BRI3BP: variants seen among roughly 807,000 people sequenced by gnomAD.
BRI3BP encodes BRI3-binding protein.
In BRI3BP, 7 loss-of-function variants were observed where a neutral mutation model predicts 15.8. The ratio of observed to expected loss-of-function variants is 0.44; its 90% CI spans 0.25 to 0.83. BRI3BP has a LOEUF of 0.83. Among genes scored for constraint, BRI3BP ranks in the 40% least tolerant of loss-of-function variants. BRI3BP has a pLI of 0.20. For missense variants in BRI3BP, 320 were observed against 339.3 expected (o/e 0.94, Z 0.45); for synonymous variants, 192 against 163.5 (o/e 1.17, Z -1.33).
At chr12:125,013,619 C>G (rs953935173) in intron 2 of BRI3BP, among the ~76,000 whole-genome samples, 9 of 152,202 alleles carry the variant, frequency 5.9e-5, no homozygotes, top group Middle Eastern at 3.2e-3. Flanking sequence ...TCTTAGCTCT[C>G]CAGCTTCTGC....
the BRI3BP span, among the ~76,000 whole-genome samples, chr12:125,049,110 C>T: frequency 1.3e-5 from 2 of 152,042 alleles, no homozygotes; most frequent in East Asian, 1.9e-4. Context: ...TACAGGTGCC[C>T]GCCACCACGC....
chr12:125,031,079 CTTA>C lies in BRI3BP; in HGVS notation c.*5652_*5654del, dbSNP rs1371427540. 3 of 152,066 alleles carry C rather than the reference CTTA, an allele frequency of 2.0e-5. No homozygotes were observed. The highest frequency in any genetic ancestry group is 4.4e-5 in the Non-Finnish European group (3 of 68,022). 9.4% of individuals were successfully genotyped at this position (152,066 alleles called of 1,614,324 possible). On this transcript the variant is annotated 3_prime_UTR_variant, in exon 3 of 3. Coordinates refer to ENST00000341446, the MANE Select transcript of BRI3BP (RefSeq NM_080626.6). ...TTTGCAAAGCGATATATACATTCCT[CTTA>C]TTTATTAAATCACTGGCTTTGGTGT...
intron 2 of BRI3BP, among the ~76,000 whole-genome samples, chr12:125,024,260 C>A (rs749501612): frequency 0.031 from 978 of 31,870 alleles, 9 homozygotes; most frequent in Admixed American, 0.065. Context: ...CTCATGAAAC[C>A]CCCCCCCCTC....
chr12:125,014,266 C>G (rs1050291897), intron 2 of BRI3BP, among the ~76,000 whole-genome samples: 2 of 152,186 alleles, frequency 1.3e-5, no homozygotes, highest in African/African-American at 2.4e-5. Flanking sequence ...AATTCCCCAG[C>G]TGGGCTCTTT....
the BRI3BP span, among the ~76,000 whole-genome samples, chr12:125,039,843 T>G: frequency 1.2e-4 from 18 of 152,196 alleles, no homozygotes; most frequent in Admixed American, 3.9e-4. Context: ...CTCTCATGAA[T>G]GTACAATGGA....
At chr12:125,050,657 C>G in the BRI3BP span, among the ~76,000 whole-genome samples, 1 of 152,338 alleles carries the variant, frequency 6.6e-6, no homozygotes, top group Non-Finnish European at 1.5e-5. Flanking sequence ...GCGGTCATGG[C>G]GCTTGCTCTT....
At chr12:124,996,499 GT>G in intron 1 of BRI3BP, among the ~76,000 whole-genome samples, 1 of 151,068 alleles carries the variant, frequency 6.6e-6, no homozygotes, top group Non-Finnish European at 1.5e-5. Flanking sequence ...AATTTTTTAT[GT>G]TTTTGGTAGA....
Position 124,999,640 on chromosome 12 carries a change from C to T in BRI3BP, c.213+5637C>T, listed in dbSNP as rs191899979. On this transcript the variant is annotated intron_variant, in intron 1 of 2. Coordinates refer to ENST00000341446, the MANE Select transcript of BRI3BP (RefSeq NM_080626.6). ...ATTTATTTATTTATTTTTCTTGAGA[C>T]GGAGTCTCCCTCTGTCGCCCAGGCT... Among the ~76,000 whole-genome samples, 409 of 149,770 alleles carry T rather than the reference C, an allele frequency of 2.7e-3. 2 individuals carry two copies. Among genetic ancestry groups the T allele is most frequent in the Admixed American group, 4.0e-3 (60 of 15,004 alleles).
At chr12:125,050,765 A>C in the BRI3BP span, among the ~76,000 whole-genome samples, 1 of 152,218 alleles carries the variant, frequency 6.6e-6, no homozygotes, top group South Asian at 2.1e-4. Flanking sequence ...GTGCTATGAC[A>C]TGGGGTGGGG....
chr12:125,022,807 G>A (rs113144770), intron 2 of BRI3BP, among the ~76,000 whole-genome samples: 138 of 152,178 alleles, frequency 9.1e-4, no homozygotes, highest in Non-Finnish European at 1.3e-3. Flanking sequence ...ATGAGCCACC[G>A]TGCCCAGCCT....
chr12:125,034,069 G>A (rs755513273), downstream of BRI3BP, among the ~76,000 whole-genome samples: 9 of 147,270 alleles, frequency 6.1e-5, no homozygotes, highest in Admixed American at 1.4e-4. Context: ...GGTTTGAGGC[G>A]GAGTTTCACT....
At chr12:125,012,440 C>A in intron 1 of BRI3BP, 94 bp from the exon 2 acceptor site, 1 of 1,023,734 alleles carries the variant, frequency 9.8e-7, no homozygotes, top group Non-Finnish European at 1.5e-6. Flanking sequence ...CTATTTTTCC[C>A]TTCCCAGGTA....
At chr12:125,001,221 ATTT>A (rs34379255) in intron 1 of BRI3BP, among the ~76,000 whole-genome samples, 1 of 151,112 alleles carries the variant, frequency 6.6e-6, no homozygotes, top group African/African-American at 2.4e-5. Context: ...CGCCCGGCTA[ATTT>A]TTTTTGTATT....
intron 2 of BRI3BP, among the ~76,000 whole-genome samples, chr12:125,013,345 T>A (rs11615831): frequency 0.14 from 21,615 of 152,230 alleles, 1,917 homozygotes; most frequent in South Asian, 0.32. Context: ...ACTGCCGAAC[T>A]GGCTGTCCAG....
chr12:125,006,427 C>T (rs933772212), intron 1 of BRI3BP, among the ~76,000 whole-genome samples: 6 of 152,184 alleles, frequency 3.9e-5, no homozygotes, highest in Non-Finnish European at 8.8e-5. Context: ...GGACAGGTGC[C>T]GTTCTTTCCA....
chr12:124,999,222 C>T (rs1192422762), intron 1 of BRI3BP, among the ~76,000 whole-genome samples: 1 of 152,056 alleles, frequency 6.6e-6, no homozygotes, highest in South Asian at 2.1e-4. Context: ...TTCCCTTGCT[C>T]CTTGGTCGTA....
At position 125,002,214 on chromosome 12, in the gene BRI3BP, C is replaced by T. The variant is rs983222230; in HGVS notation, c.213+8211C>T. ...TGTGGGCATTGTTTCCAGTATTTTG[C>T]GGTGCATACCTAGGAGTCCAGTTGC... is the stretch of plus-strand genomic sequence containing the variant. On this transcript the variant is annotated intron_variant, in intron 1 of 2. Transcript: ENST00000341446. Among the ~76,000 whole-genome samples, 12 of 152,122 alleles carry T rather than the reference C, an allele frequency of 7.9e-5. 1 individual carries two copies. The highest frequency in any genetic ancestry group is 5.8e-4 in the East Asian group (3 of 5,194).
chr12:125,025,206 G>C lies in BRI3BP; in HGVS notation c.532G>C (p.Glu178Gln), dbSNP rs147612937. ...MSCVYILHKYEGEPENAVLPL... is the reference protein window; with the variant it reads ...MSCVYILHKYQGEPENAVLPL... ...CTGCGTGTACATCCTGCACAAGTAC[G>C]AGGGCGAGCCGGAGAACGCGGTGCT... The change falls in exon 3 of 3, where the codon GAG becomes CAG. Residue 178 changes from glutamate to glutamine, a missense_variant. Coordinates refer to ENST00000341446, the MANE Select transcript of BRI3BP (RefSeq NM_080626.6). 7.4e-5 allele frequency: 119 copies of C among 1,614,092 alleles called. 1 individual carries two copies. The African/African-American group carries it at 1.5e-3, about 20-fold the overall frequency.
chr12:125,019,660 C>CTTTTTTTTTTTTTTTTTTTTTTT lies in BRI3BP; in HGVS notation c.317-5325_317-5324insTTTTTTTTTTTTTTTTTTTTTTT. ...CTTTTTTTTTTTTTTTTTTTTTTGC[C>CTTTTTTTTTTTTTTTTTTTTTTT]TTTTTTGCTGTGAGTACTTGAAAAT... On this transcript the variant is annotated intron_variant, in intron 2 of 2. Transcript: ENST00000341446. Among the ~76,000 whole-genome samples the CTTTTTTTTTTTTTTTTTTTTTTT allele has an allele frequency of 5.1e-3, 126 of 24,724 alleles. 14 individuals carry two copies. Among genetic ancestry groups the CTTTTTTTTTTTTTTTTTTTTTTT allele is most frequent in the South Asian group, 0.01 (6 of 586 alleles). 16.2% of individuals were successfully genotyped at this position (24,724 alleles called of 152,430 possible).
Sources: gnomAD v4.1 joint callset for allele counts (sites outside exome capture counted in the v4.1 genomes callset) on GRCh38, gnomAD v4.1.1 for gene constraint, MANE v1.5 for transcripts, NCBI Gene and HGNC (gene_info 2026-07-23, HGNC 2026-07-21) for gene names.